Variants in ZRANB3 observed in about 807,000 individuals in gnomAD.
ZRANB3 encodes zinc finger RANBP2-type containing 3, also known as DNA annealing helicase and endonuclease ZRANB3.
Under a neutral mutation model 133.8 loss-of-function variants are expected in ZRANB3, and 125 were observed. The observed-to-expected ratio is 0.93, with a 90% CI of 0.81 to 1.08. ZRANB3 has a LOEUF of 1.08. ZRANB3 is among the 50% of genes least tolerant of loss of function. The pLI is 0.00. For missense variants in ZRANB3, 1,229 were observed against 1,275.5 expected, an observed-to-expected ratio of 0.96 and a Z score of 0.56; for synonymous variants, 387 against 432.7, an observed-to-expected ratio of 0.89 and a Z score of 1.31.
chr2:135,245,926 CAAAAA>C (rs1177438717), intron 12 of ZRANB3, among the ~76,000 whole-genome samples: 33 of 19,554 alleles, frequency 1.7e-3, no homozygotes, highest in African/African-American at 6.3e-3. Context: ...AACTCCGTCT[CAAAAA>C]AAAAAAAAAA....
chr2:135,231,556 T>C (rs925142483), intron 12 of ZRANB3, among the ~76,000 whole-genome samples: 2 of 152,098 alleles, frequency 1.3e-5, no homozygotes, highest in African/African-American at 4.8e-5. Flanking sequence ...GCCCAGGAGT[T>C]CAAGACTAGC....
chr2:135,406,128 G>T (rs182903900), intron 2 of ZRANB3, among the ~76,000 whole-genome samples: 1 of 152,100 alleles, frequency 6.6e-6, no homozygotes, highest in Non-Finnish European at 1.5e-5. Flanking sequence ...AATAAAAAAT[G>T]ACGAAGGGGA....
intron 6 of ZRANB3, among the ~76,000 whole-genome samples, chr2:135,336,344 T>C (rs1044452773): frequency 7.2e-5 from 11 of 152,236 alleles, no homozygotes; most frequent in African/African-American, 2.7e-4. Flanking sequence ...GTCATGACAT[T>C]TCAAATATAA....
chr2:135,405,413 A>G (rs908675502), intron 2 of ZRANB3, among the ~76,000 whole-genome samples: 1 of 152,228 alleles, frequency 6.6e-6, no homozygotes, highest in Non-Finnish European at 1.5e-5. Flanking sequence ...CAGATCAACA[A>G]GACAGAAAGT....
intron 12 of ZRANB3, among the ~76,000 whole-genome samples, chr2:135,244,863 T>G (rs1695716492): frequency 6.6e-6 from 1 of 152,182 alleles, no homozygotes; most frequent in Non-Finnish European, 1.5e-5. Flanking sequence ...TGACTGACAG[T>G]AATGAGAAAC....
At chr2:135,292,755 T>A (rs1362927063) in intron 8 of ZRANB3, among the ~76,000 whole-genome samples, 7 of 152,224 alleles carry the variant, frequency 4.6e-5, no homozygotes, top group African/African-American at 1.4e-4. Context: ...TTAATCCATC[T>A]TGAATTAATT....
Position 135,411,887 on chromosome 2 carries a change from A to C in ZRANB3, c.162-21067T>G, listed in dbSNP as rs1217317350. Among the ~76,000 whole-genome samples, 4 of 152,118 alleles carry C rather than the reference A, an allele frequency of 2.6e-5. No individual in the cohort carries two copies. In the East Asian group the frequency reaches 5.8e-4, roughly 22 times the overall value. On this transcript the variant is annotated intron_variant, in intron 2 of 20. Transcript: ENST00000264159. ...CGCAATATACCTATGTACCAAACCC[A>C]TACATGTACCCCTCTGAATCTATAA...
intron 6 of ZRANB3, among the ~76,000 whole-genome samples, chr2:135,332,669 G>C (rs1684202317): frequency 6.6e-6 from 1 of 152,104 alleles, no homozygotes; most frequent in African/African-American, 2.4e-5. Flanking sequence ...TTACAACCAG[G>C]TCCTAAGAAA....
In ZRANB3 at chr2:135,260,357, C is replaced by T. The variant is rs148956946; in HGVS notation, c.1539+5177G>A. ...AAGGCAAGACTGCTTACTTATGGGA[C>T]AGCCAACTGGGCTGTGCAAAAGTAT... On this transcript the variant is annotated intron_variant, in intron 12 of 20. Coordinates refer to ENST00000264159, the MANE Select transcript of ZRANB3 (RefSeq NM_032143.4). Among the ~76,000 whole-genome samples, 3 of 152,274 alleles carry T rather than the reference C, an allele frequency of 2.0e-5. No individual in the cohort carries two copies. In the East Asian group the frequency reaches 5.8e-4, roughly 29 times the overall value.
At chr2:135,282,147 C>T (rs1214383522) in intron 8 of ZRANB3, among the ~76,000 whole-genome samples, 1 of 152,120 alleles carries the variant, frequency 6.6e-6, no homozygotes, top group Admixed American at 6.5e-5. Flanking sequence ...TCACCTTATA[C>T]TGTTCCTTAA....
chr2:135,489,703 C>G (rs185704506), intron 2 of ZRANB3, among the ~76,000 whole-genome samples: 130 of 150,322 alleles, frequency 8.6e-4, no homozygotes, highest in Admixed American at 4.4e-3. Flanking sequence ...ACAGGTACTA[C>G]TAAAATAGGA....
intron 2 of ZRANB3, among the ~76,000 whole-genome samples, chr2:135,394,342 GA>G (rs2104930398): frequency 6.6e-6 from 1 of 152,200 alleles, no homozygotes; most frequent in South Asian, 2.1e-4. Context: ...AGGAAAAAAG[GA>G]AAAGGGAATC....
At chr2:135,333,388 A>T (rs1161683312) in intron 6 of ZRANB3, among the ~76,000 whole-genome samples, 3 of 152,246 alleles carry the variant, frequency 2.0e-5, no homozygotes, top group Admixed American at 2.0e-4. Flanking sequence ...AACAATGTTT[A>T]TGCTTATATT....
At chr2:135,477,584 A>C (rs1233650790) in intron 2 of ZRANB3, among the ~76,000 whole-genome samples, 1 of 152,210 alleles carries the variant, frequency 6.6e-6, no homozygotes, top group Non-Finnish European at 1.5e-5. Context: ...ACTGAAACTA[A>C]CTGTTGGCTC....
chr2:135,360,349 C>G (rs141808264), intron 3 of ZRANB3, among the ~76,000 whole-genome samples: 66 of 151,626 alleles, frequency 4.4e-4, no homozygotes, highest in African/African-American at 1.6e-3. Flanking sequence ...CGTTTGTACT[C>G]CAGCCTGGGC....
At chr2:135,363,599 G>A (rs1179958420) in intron 3 of ZRANB3, among the ~76,000 whole-genome samples, 1 of 152,050 alleles carries the variant, frequency 6.6e-6, no homozygotes, top group East Asian at 1.9e-4. Context: ...TTAAAATTGA[G>A]AGCCCAACAC....
At chr2:135,285,911 A>G in intron 8 of ZRANB3, among the ~76,000 whole-genome samples, 1 of 152,194 alleles carries the variant, frequency 6.6e-6, no homozygotes, top group Non-Finnish European at 1.5e-5. Context: ...TTCTCAACAT[A>G]CATTACAAAG....
chr2:135,289,469 C>T (rs934827909), intron 8 of ZRANB3, among the ~76,000 whole-genome samples: 6 of 152,016 alleles, frequency 3.9e-5, no homozygotes, highest in East Asian at 1.9e-4. Flanking sequence ...TTGGCCAGGC[C>T]GGTCTTGAAC....
Position 135,289,220 on chromosome 2 carries a change from T to A in ZRANB3, c.967-13465A>T, listed in dbSNP as rs114645249. 7.1e-3 allele frequency among the ~76,000 whole-genome samples: 1,080 copies of A among 152,200 alleles called. 11 individuals are homozygous for A. The highest frequency in any genetic ancestry group is 0.024 in the African/African-American group (1,010 of 41,514). ...TCAGGAACAGACTATTTAATTTTCA[T>A]GTATTTGCATGGTTTTGAGGGTTCT... On this transcript the variant is annotated intron_variant, in intron 8 of 20. Transcript: ENST00000264159.
Sources: allele counts gnomAD v4.1 joint callset (sites outside exome capture counted in the v4.1 genomes callset), GRCh38; gene constraint gnomAD v4.1.1; transcripts MANE v1.5; gene names NCBI Gene and HGNC (gene_info 2026-07-23, HGNC 2026-07-21).